Variants in CTDSPL observed in about 807,000 individuals in gnomAD.
The protein encoded by CTDSPL is CTD small phosphatase-like protein.
A neutral mutation model predicts 30.5 loss-of-function variants in CTDSPL; 8 were observed. The ratio of observed to expected loss-of-function variants is 0.26; its 90% CI spans 0.15 to 0.47. CTDSPL has a LOEUF of 0.47. CTDSPL is among the 20% of genes least tolerant of loss of function. CTDSPL has a pLI of 0.99. For synonymous variants in CTDSPL, 110 were observed against 137.9 expected, an observed-to-expected ratio of 0.80 and a Z score of 1.42; for missense variants, 248 against 366.1, an observed-to-expected ratio of 0.68 and a Z score of 2.63.
chr3:37,878,358 A>C (rs1159087915), intron 1 of CTDSPL, among the ~76,000 whole-genome samples: 1 of 152,110 alleles, frequency 6.6e-6, no homozygotes, highest in Non-Finnish European at 1.5e-5. Flanking sequence ...TAGCTTTTGG[A>C]TAAAGTAAAA....
intron 7 of CTDSPL, among the ~76,000 whole-genome samples, chr3:37,979,440 T>C (rs1699465184): frequency 6.6e-6 from 1 of 151,868 alleles, no homozygotes; most frequent in Non-Finnish European, 1.5e-5. Flanking sequence ...CTGTCTCTAC[T>C]AAAATACAAA....
At position 37,972,922 on chromosome 3, in the gene CTDSPL, C is replaced by T. The variant is rs192992494; in HGVS notation, c.519+1423C>T. On this transcript the variant is annotated intron_variant, in intron 6 of 7. Coordinates refer to ENST00000273179, the MANE Select transcript of CTDSPL (RefSeq NM_001008392.2). ...CTCCAGGACATCACACAGTAGCTTC[C>T]TCCGCCATGTCCTGCTTCTGGACGG... Among the ~76,000 whole-genome samples, 22 of 152,382 alleles carry T rather than the reference C, an allele frequency of 1.4e-4. No individual in the cohort carries two copies. In the East Asian group the frequency reaches 4.2e-3, roughly 29 times the overall value.
Position 37,980,774 on chromosome 3 carries a change from G to A in CTDSPL, c.738G>A (p.Thr246=), listed in dbSNP as rs190767951. The change falls in exon 8 of 8, where the codon ACG becomes ACA. Residue 246 remains threonine (T), a synonymous_variant. Transcript: ENST00000273179. ...VPVQSWFDDM[T]DTELLDLIPF... is the part of the protein sequence containing the mutation. ...TGCAGTCCTGGTTCGATGACATGAC[G>A]GACACGGAGCTGCTGGACCTCATCC... 2.9e-5 allele frequency: 47 copies of A among 1,614,226 alleles called. No individual in the cohort carries two copies. In the Admixed American group the frequency reaches 5.5e-4, roughly 19 times the overall value.
intron 3 of CTDSPL, among the ~76,000 whole-genome samples, chr3:37,960,231 A>G (rs186125478): frequency 7.8e-4 from 119 of 151,790 alleles, no homozygotes; most frequent in African/African-American, 2.8e-3. Flanking sequence ...CTGGAATCCC[A>G]GCATTTTGGG....
At chr3:37,958,279 T>C (rs904466936) in intron 3 of CTDSPL, among the ~76,000 whole-genome samples, 2 of 152,228 alleles carry the variant, frequency 1.3e-5, no homozygotes, top group Non-Finnish European at 2.9e-5. Flanking sequence ...GTAGTGATTC[T>C]GACTTTGCCC....
chr3:37,880,208 G>A (rs1377493188), intron 1 of CTDSPL, among the ~76,000 whole-genome samples: 3 of 151,394 alleles, frequency 2.0e-5, no homozygotes, highest in Non-Finnish European at 4.4e-5. Flanking sequence ...CCCTTTTACA[G>A]CTGAGGAAAC....
At chr3:37,927,725 CTT>C (rs1030153109) in intron 1 of CTDSPL, among the ~76,000 whole-genome samples, 17 of 145,198 alleles carry the variant, frequency 1.2e-4, no homozygotes, top group Non-Finnish European at 1.9e-4. Context: ...AATCTACCCT[CTT>C]AAGTTTTTAA....
chr3:37,874,381 G>T (rs1310426652), intron 1 of CTDSPL, among the ~76,000 whole-genome samples: 1 of 152,190 alleles, frequency 6.6e-6, no homozygotes, highest in Non-Finnish European at 1.5e-5. Context: ...AGGCTGTTCA[G>T]CTAGGAGTTG....
At position 37,862,317 on chromosome 3, in the gene CTDSPL, C is replaced by A; in HGVS notation, c.79+39C>A. 7.0e-7 allele frequency: 1 copy of A among 1,429,700 alleles called. No individual in the cohort carries two copies. 88.6% of individuals were successfully genotyped at this position (1,429,700 alleles called of 1,614,324 possible). On this transcript the variant is annotated intron_variant, in intron 1 of 7. Coordinates refer to ENST00000273179, the MANE Select transcript of CTDSPL (RefSeq NM_001008392.2). The surrounding 1 kb of genome is among the most constrained non-coding windows in gnomAD (Gnocchi z 4.3). ...CAGGCGGCCGCGGGCTGGGGGCGAG[C>A]GCACACCCCGCGCCGCTGGAGTTCA...
In CTDSPL at chr3:37,868,959, T is replaced by G. The variant is rs111477507; in HGVS notation, c.79+6681T>G. Among the ~76,000 whole-genome samples the G allele has an allele frequency of 1.9e-3, 294 of 152,230 alleles. 1 individual carries two copies. The highest frequency in any genetic ancestry group is 6.7e-3 in the African/African-American group (279 of 41,568). On this transcript the variant is annotated intron_variant, in intron 1 of 7. Coordinates refer to ENST00000273179, the MANE Select transcript of CTDSPL (RefSeq NM_001008392.2). ...TACAAATATCTTCCTGAGATTTTGA[T>G]AGGAATTTAATTAAACCTGTGTATC... is the stretch of plus-strand genomic sequence containing the variant.
At chr3:37,918,885 C>G (rs1160906199) in intron 1 of CTDSPL, among the ~76,000 whole-genome samples, 2 of 152,060 alleles carry the variant, frequency 1.3e-5, no homozygotes, top group African/African-American at 4.8e-5. Flanking sequence ...GAAACAGGCC[C>G]TGCAGCATAA....
chr3:37,977,952 C>G (rs994097098), intron 7 of CTDSPL, among the ~76,000 whole-genome samples: 2 of 152,090 alleles, frequency 1.3e-5, no homozygotes, highest in Non-Finnish European at 2.9e-5. Context: ...ATGAAGATAT[C>G]ATATCAAGGA....
intron 6 of CTDSPL, among the ~76,000 whole-genome samples, chr3:37,974,571 C>T (rs978358827): frequency 6.6e-6 from 1 of 152,214 alleles, no homozygotes; most frequent in African/African-American, 2.4e-5. Flanking sequence ...CAGTATGGCC[C>T]ACTCTTTTAG....
intron 1 of CTDSPL, among the ~76,000 whole-genome samples, chr3:37,904,199 A>G (rs1698485935): frequency 6.6e-6 from 1 of 152,228 alleles, no homozygotes; most frequent in African/African-American, 2.4e-5. Context: ...ATTATGTGAC[A>G]TTTGCACCTG....
At chr3:37,895,281 C>T (rs987946282) in intron 1 of CTDSPL, among the ~76,000 whole-genome samples, 5 of 151,990 alleles carry the variant, frequency 3.3e-5, no homozygotes, top group Admixed American at 6.6e-5. Context: ...GTCTCTGAAT[C>T]GAGGCACTAC....
intron 1 of CTDSPL, among the ~76,000 whole-genome samples, chr3:37,916,602 C>T (rs1698652433): frequency 6.6e-6 from 1 of 152,122 alleles, no homozygotes. Context: ...AGCTAAGCAA[C>T]ACCAAGGATT....
chr3:37,970,596 T>A (rs1246140190), intron 5 of CTDSPL, among the ~76,000 whole-genome samples: 1 of 152,186 alleles, frequency 6.6e-6, no homozygotes, highest in Non-Finnish European at 1.5e-5. Context: ...CCCATCTCCC[T>A]TGTTTCCCCA....
Position 37,984,278 on chromosome 3 carries a change from C to G in CTDSPL, c.*3411C>G, listed in dbSNP as rs1411224153. The G allele has an allele frequency of 2.2e-5, 10 of 456,842 alleles. No homozygotes were observed. The highest frequency in any genetic ancestry group is 1.0e-4 in the African/African-American group (5 of 50,040). 28.3% of individuals were successfully genotyped at this position (456,842 alleles called of 1,614,324 possible). ...TCTCTGCAGACTGACACACCCTCCC[C>G]CACCCCGGGTAGTGGAGATGCTGGT... On this transcript the variant is annotated 3_prime_UTR_variant, in exon 8 of 8. Coordinates refer to ENST00000273179, the MANE Select transcript of CTDSPL (RefSeq NM_001008392.2).
chr3:37,978,652 C>T (rs908930822), intron 7 of CTDSPL, among the ~76,000 whole-genome samples: 1 of 152,150 alleles, frequency 6.6e-6, no homozygotes, highest in Non-Finnish European at 1.5e-5. Flanking sequence ...TTTCGGGACT[C>T]AGATTTTTCA....
Sources: allele counts gnomAD v4.1 joint callset (sites outside exome capture counted in the v4.1 genomes callset), GRCh38; gene constraint gnomAD v4.1.1; non-coding constraint Gnocchi (gnomAD v3.1); transcripts MANE v1.5; gene names NCBI Gene and HGNC (gene_info 2026-07-23, HGNC 2026-07-21).